The following DCX variants were observed in gnomAD, a reference collection of about 807,000 sequenced individuals.
DCX encodes the protein doublecortin.
A neutral mutation model predicts 20.9 loss-of-function variants in DCX; 4 were observed. The observed-to-expected ratio is 0.19, with a 90% CI of 0.09 to 0.44. The LOEUF is 0.44. Ranked by LOEUF, DCX falls within the 20% of genes least tolerant of loss-of-function variation. The probability of loss-of-function intolerance (pLI) is 0.99; values close to 1 mark genes in which losing one functional copy is unlikely to be tolerated. For missense variants in DCX, 133 were observed against 296.9 expected (o/e 0.45, Z 4.06); for synonymous variants, 103 against 111.4 (o/e 0.92, Z 0.47).
chrX:111,312,942 T>G (rs1406537333), intron 5 of DCX, among the ~76,000 whole-genome samples: 1 of 111,885 alleles, frequency 8.9e-6, no homozygotes, highest in Non-Finnish European at 1.9e-5. Context: ...CCCTATGCAG[T>G]GCAAGGCCGT....
rs971174614 is a variant in DCX, at chrX:111,297,168, T to C, written c.*4519A>G. 8.9e-6 allele frequency: 1 copy of C among 111,949 alleles called. No individual in the cohort carries two copies. Among genetic ancestry groups the C allele is most frequent in the Non-Finnish European group, 1.9e-5 (1 of 53,231 alleles). 9.2% of individuals were successfully genotyped at this position (111,949 alleles called of 1,213,427 possible). ...CCAAAGACAGGTTCCAATCATCTTT[T>C]TAAAAAATCAATGCCTTTTATTTCC... On this transcript the variant is annotated 3_prime_UTR_variant, in exon 7 of 7. Transcript: ENST00000636035.
In DCX at chrX:111,295,378, T is replaced by G. The variant is rs1182160971; in HGVS notation, c.*6309A>C. On this transcript the variant is annotated 3_prime_UTR_variant, in exon 7 of 7. Coordinates refer to ENST00000636035, the MANE Select transcript of DCX (RefSeq NM_001195553.2). ...GTGACTCAGAAGGAAAAAATACATG[T>G]CAATTAAGCAAATGTCTCTTTTTAT... The G allele has an allele frequency of 8.9e-6, 1 of 112,252 alleles. No homozygotes were observed. Among genetic ancestry groups the G allele is most frequent in the East Asian group, 2.8e-4 (1 of 3,594 alleles). The allele number at this position is 112,252 out of a possible 1,213,427, so 9.3% of individuals were successfully genotyped here.
chrX:111,401,932 G>A (rs1453462495), intron 2 of DCX, among the ~76,000 whole-genome samples: 1 of 112,422 alleles, frequency 8.9e-6, no homozygotes, highest in African/African-American at 3.2e-5. Context: ...TGTGAAATGT[G>A]TGTGCATATG....
At chrX:111,377,775 C>T (rs1925653972) in intron 3 of DCX, among the ~76,000 whole-genome samples, 1 of 111,347 alleles carries the variant, frequency 9.0e-6, no homozygotes, top group Non-Finnish European at 1.9e-5. Context: ...CTTTCCTCTT[C>T]CTCCCTTCCT....
chrX:111,340,616 C>A (rs1026502034), intron 3 of DCX, among the ~76,000 whole-genome samples: 1 of 111,309 alleles, frequency 9.0e-6, no homozygotes. Flanking sequence ...CAGGAGTGAT[C>A]CTACTGGCAT....
chrX:111,316,576 G>A (rs887192077), intron 5 of DCX, among the ~76,000 whole-genome samples: 13 of 111,568 alleles, frequency 1.2e-4, no homozygotes, highest in Non-Finnish European at 2.1e-4. Flanking sequence ...ATTCTGGCCA[G>A]AGCAATCAGT....
intron 1 of DCX, chrX:111,411,219 G>T: frequency 2.7e-6 from 1 of 365,861 alleles, no homozygotes. Context: ...GGTTCCATTT[G>T]TTCACAAAAT....
chrX:111,332,129 A>C (rs766461587), intron 4 of DCX, among the ~76,000 whole-genome samples: 2 of 112,652 alleles, frequency 1.8e-5, no homozygotes, highest in South Asian at 7.4e-4. Flanking sequence ...TATTTTAGGA[A>C]ACTGAGTTAA....
At chrX:111,397,841 A>G (rs1235706790) in intron 3 of DCX, among the ~76,000 whole-genome samples, 1 of 110,167 alleles carries the variant, frequency 9.1e-6, no homozygotes, top group Non-Finnish European at 1.9e-5. Flanking sequence ...ATATACATAT[A>G]TGTATGTGTG....
intron 6 of DCX, among the ~76,000 whole-genome samples, chrX:111,305,910 C>A (rs1450635043): frequency 9.0e-6 from 1 of 110,780 alleles, no homozygotes; most frequent in Non-Finnish European, 1.9e-5. Context: ...ATCCTCAGGG[C>A]AACCACTAAA....
intron 2 of DCX, among the ~76,000 whole-genome samples, chrX:111,404,833 G>A (rs929789240): frequency 8.9e-6 from 1 of 112,790 alleles, no homozygotes; most frequent in South Asian, 3.6e-4. Context: ...GATTTTGCCA[G>A]CATTTTCAAT....
At chrX:111,314,938 T>A in intron 5 of DCX, among the ~76,000 whole-genome samples, 1 of 110,083 alleles carries the variant, frequency 9.1e-6, no homozygotes, top group Admixed American at 9.6e-5. Flanking sequence ...GGTAGTTTCT[T>A]TTGCTGTGCA....
intron 2 of DCX, among the ~76,000 whole-genome samples, chrX:111,402,276 C>T (rs774095993): frequency 8.1e-5 from 9 of 111,586 alleles, no homozygotes; most frequent in Non-Finnish European, 1.1e-4. Flanking sequence ...TGACTAATAT[C>T]GCAAAAGAAA....
intron 3 of DCX, among the ~76,000 whole-genome samples, chrX:111,364,471 G>A (rs149332745): frequency 0.058 from 6,475 of 112,201 alleles, 460 homozygotes; most frequent in African/African-American, 0.2. Context: ...TGGTGAGGAT[G>A]TCAGGAAATT....
chrX:111,383,109 C>G lies in DCX; in HGVS notation c.705+17881G>C, dbSNP rs761204573. ...AAGCTGAGTGTAAGCCAAAGACTCC[C>G]AAGCCAGGAACAAATGAAGGCCCTC... On this transcript the variant is annotated intron_variant, in intron 3 of 6. Coordinates refer to ENST00000636035, the MANE Select transcript of DCX (RefSeq NM_001195553.2). 4.5e-5 allele frequency among the ~76,000 whole-genome samples: 5 copies of G among 110,906 alleles called. No individual in the cohort carries two copies. The South Asian group carries it at 1.9e-3, about 42-fold the overall frequency.
At chrX:111,357,788 G>GA (rs1460718151) in intron 3 of DCX, among the ~76,000 whole-genome samples, 6 of 99,876 alleles carry the variant, frequency 6.0e-5, no homozygotes, top group African/African-American at 2.0e-4. Context: ...CTCAAAAAGA[G>GA]AAAAAAAGAA....
At chrX:111,312,578 C>T in intron 6 of DCX, 61 bp downstream of exon 6, 3 of 1,128,490 alleles carry the variant, frequency 2.7e-6, no homozygotes, top group Non-Finnish European at 3.7e-6. Flanking sequence ...AAGAGAAAAC[C>T]TTCACCAAGC....
intron 3 of DCX, among the ~76,000 whole-genome samples, chrX:111,366,426 T>C (rs1459805587): frequency 8.9e-6 from 1 of 112,047 alleles, no homozygotes; most frequent in Non-Finnish European, 1.9e-5. Flanking sequence ...GTTCAAGTCA[T>C]AGGGCTAATG....
Position 111,298,861 on chromosome X carries a change from C to G in DCX, c.*2826G>C, listed in dbSNP as rs1469805722. 2 of 111,540 alleles carry G rather than the reference C, an allele frequency of 1.8e-5. No individual in the cohort carries two copies. The highest frequency in any genetic ancestry group is 3.8e-5 in the Non-Finnish European group (2 of 53,091). The allele number at this position is 111,540 out of a possible 1,213,427, so 9.2% of individuals were successfully genotyped here. ...TTATGAAGTTAGTTGTTCAGCCCAG[C>G]CCCAATATATACATTTTCCCCTTCT... On this transcript the variant is annotated 3_prime_UTR_variant, in exon 7 of 7. Transcript: ENST00000636035.
Sources: gnomAD v4.1 joint callset for allele counts (sites outside exome capture counted in the v4.1 genomes callset) on GRCh38, gnomAD v4.1.1 for gene constraint, MANE v1.5 for transcripts, NCBI Gene and HGNC (gene_info 2026-07-23, HGNC 2026-07-21) for gene names.